The following LEKR1 variants were observed in gnomAD, a reference collection of about 807,000 sequenced individuals.
LEKR1 encodes protein LEKR1.
Under a neutral mutation model 72.4 loss-of-function variants are expected in LEKR1, and 59 were observed. The observed-to-expected ratio is 0.82, with a 90% CI of 0.66 to 1.01. The LOEUF is 1.01. Ranked by LOEUF, LEKR1 falls within the 50% of genes least tolerant of loss-of-function variation. The probability of loss-of-function intolerance (pLI) is 0.00; values close to 1 mark genes in which losing one functional copy is unlikely to be tolerated. For synonymous variants in LEKR1, 257 were observed against 263.2 expected (o/e 0.98, Z 0.23); for missense variants, 728 against 759.2 (o/e 0.96, Z 0.48).
At chr3:156,963,277 A>G (rs1553814296) in intron 6 of LEKR1, among the ~76,000 whole-genome samples, 1 of 152,184 alleles carries the variant, frequency 6.6e-6, no homozygotes, top group Non-Finnish European at 1.5e-5. Context: ...CCTCAGGGAA[A>G]CCTCAGCTAA....
At chr3:156,949,915 A>G (rs1457173942) in intron 6 of LEKR1, among the ~76,000 whole-genome samples, 1 of 151,296 alleles carries the variant, frequency 6.6e-6, no homozygotes, top group Non-Finnish European at 1.5e-5. Context: ...TGGGAAATAT[A>G]CTTTAATTTT....
chr3:156,922,650 T>C (rs1359647702), intron 4 of LEKR1, among the ~76,000 whole-genome samples: 1 of 152,218 alleles, frequency 6.6e-6, no homozygotes, highest in East Asian at 1.9e-4. Context: ...CCAGCCTGTG[T>C]CTTGCAAGGG....
At chr3:156,875,553 G>A (rs111593271) in intron 3 of LEKR1, among the ~76,000 whole-genome samples, 5 of 152,138 alleles carry the variant, frequency 3.3e-5, no homozygotes, top group African/African-American at 9.6e-5. Flanking sequence ...ATTTATCTTT[G>A]TTTTTGGTTG....
chr3:157,039,321 T>C (rs978050080), intron 12 of LEKR1, among the ~76,000 whole-genome samples: 4 of 152,228 alleles, frequency 2.6e-5, no homozygotes, highest in Non-Finnish European at 5.9e-5. Context: ...AGAAATTCCA[T>C]TTACATAAGA....
rs1043452820 is a variant in LEKR1 at position 156,871,483 on chromosome 3, G to T, written c.263+18501G>T. 5.3e-5 allele frequency among the ~76,000 whole-genome samples: 8 copies of T among 152,112 alleles called. No individual in the cohort carries two copies. In the South Asian group the frequency reaches 1.5e-3, roughly 28 times the overall value. On this transcript the variant is annotated intron_variant, in intron 3 of 12. Transcript: ENST00000356539. The stretch of plus-strand genomic sequence containing the variant: ...TTGGGTATATACCCAGTAATGGGAT[G>T]GCTGGGTCAAATGGTATTTCTAGTT...
chr3:157,017,130 A>G (rs1733406303), intron 10 of LEKR1, among the ~76,000 whole-genome samples: 1 of 152,232 alleles, frequency 6.6e-6, no homozygotes, highest in Admixed American at 6.5e-5. Flanking sequence ...TTTGTATGAC[A>G]TACAGTCTCT....
At chr3:156,914,687 G>C (rs1413293319) in intron 3 of LEKR1, among the ~76,000 whole-genome samples, 1 of 152,066 alleles carries the variant, frequency 6.6e-6, no homozygotes, top group Admixed American at 6.6e-5. Context: ...TAAATTTCTT[G>C]CTTCTCTTTT....
intron 3 of LEKR1, among the ~76,000 whole-genome samples, chr3:156,886,379 C>A (rs1045144520): frequency 8.5e-5 from 13 of 152,246 alleles, no homozygotes; most frequent in African/African-American, 2.6e-4. Context: ...TTGCCCCTCC[C>A]CATATGCCCA....
At chr3:156,838,943 A>G (rs1409677794) in intron 2 of LEKR1, among the ~76,000 whole-genome samples, 2 of 152,214 alleles carry the variant, frequency 1.3e-5, no homozygotes, top group Admixed American at 6.5e-5. Flanking sequence ...GAGGATGGCC[A>G]TGCCACAGAG....
Position 156,942,703 on chromosome 3 carries a change from A to T in LEKR1, c.734A>T (p.Lys245Ile). 8.0e-7 allele frequency: 1 copy of T among 1,250,528 alleles called. No individual in the cohort carries two copies. The highest frequency in any genetic ancestry group is 1.0e-6 in the Non-Finnish European group (1 of 974,502). The allele number at this position is 1,250,528 out of a possible 1,614,324, so 77.5% of individuals were successfully genotyped here. The change falls in exon 6 of 13, where the codon AAA becomes ATA. Residue 245 changes from lysine to isoleucine, a missense_variant. Transcript: ENST00000356539. ...NLQTRCYDLQKEVLDLQCLVE... is the reference protein window; with the variant it reads ...NLQTRCYDLQIEVLDLQCLVE... ...CAAACCAGATGCTATGATTTGCAAAAAGAAGTACTAGGTAAAGAAAAGTCT... is the reference window on the plus strand; with the variant it reads ...CAAACCAGATGCTATGATTTGCAAATAGAAGTACTAGGTAAAGAAAAGTCT...
intron 2 of LEKR1, among the ~76,000 whole-genome samples, chr3:156,845,498 A>C (rs558458567): frequency 2.0e-5 from 3 of 151,614 alleles, no homozygotes; most frequent in African/African-American, 7.2e-5. Context: ...TTTTGTCCCT[A>C]CTTGTAGAAT....
intron 9 of LEKR1, among the ~76,000 whole-genome samples, chr3:157,010,215 A>G (rs1256733649): frequency 6.6e-6 from 1 of 151,530 alleles, no homozygotes; most frequent in Admixed American, 6.6e-5. Context: ...ATTGATTACA[A>G]CTCTGATATT....
rs769277375 is a variant in LEKR1 at position 157,028,232 on chromosome 3, C to G, written c.1498C>G (p.Leu500Val). The G allele has an allele frequency of 2.5e-6, 4 of 1,613,356 alleles. 1 individual carries two copies. The highest frequency in any genetic ancestry group is 3.4e-6 in the Non-Finnish European group (4 of 1,179,592). ...TTCAAAGGAAAAAGAAATTGAAAAT[C>G]TTAAAAATTTGGTTGCAGAATTTGA... The part of the protein sequence containing the change: ...SNSKEKEIEN[L>V]KNLVAEFESR... The change falls in exon 12 of 13, where the codon CTT becomes GTT. Residue 500 changes from leucine to valine, a missense_variant. Transcript: ENST00000356539.
In LEKR1 at chr3:156,899,603, TATATATACACACATATATACAC is replaced by T. The variant is rs1473994610; in HGVS notation, c.264-20961_264-20940del. Among the ~76,000 whole-genome samples, 133 of 141,312 alleles carry T rather than the reference TATATATACACACATATATACAC, an allele frequency of 9.4e-4. 2 individuals are homozygous for T. In the East Asian group the frequency reaches 0.012, roughly 13 times the overall value. The allele number at this position is 141,312 out of a possible 152,430, so 92.7% of individuals were successfully genotyped here. ...ATATACATGTATATATACATATACG[TATATATACACACATATATACAC>T]ATATATACACGCATATATACACATA... On this transcript the variant is annotated intron_variant, in intron 3 of 12. Transcript: ENST00000356539.
chr3:156,912,637 C>G (rs1723225195), intron 3 of LEKR1, among the ~76,000 whole-genome samples: 1 of 152,202 alleles, frequency 6.6e-6, no homozygotes, highest in Non-Finnish European at 1.5e-5. Context: ...TTCATCCCCA[C>G]TCGAGGATTG....
intron 9 of LEKR1, among the ~76,000 whole-genome samples, chr3:156,993,638 G>C (rs7621842): frequency 0.74 from 112,217 of 151,954 alleles, 41,829 homozygotes; most frequent in East Asian, 0.94. Flanking sequence ...CAACAGAAAA[G>C]ATCTTTTTAT....
intron 3 of LEKR1, among the ~76,000 whole-genome samples, chr3:156,914,683 TCTTG>T (rs1429006263): frequency 6.6e-6 from 1 of 152,210 alleles, no homozygotes; most frequent in East Asian, 1.9e-4. Context: ...TTATTAAATT[TCTTG>T]CTTCTCTTTT....
intron 6 of LEKR1, among the ~76,000 whole-genome samples, chr3:156,949,015 G>T (rs1305787968): frequency 6.6e-6 from 1 of 150,800 alleles, no homozygotes; most frequent in Non-Finnish European, 1.5e-5. Context: ...GCTTGTTTGG[G>T]TTTTTTTCTT....
intron 6 of LEKR1, among the ~76,000 whole-genome samples, chr3:156,949,402 C>T (rs979901770): frequency 1.3e-5 from 2 of 151,532 alleles, no homozygotes; most frequent in Non-Finnish European, 3.0e-5. Context: ...ATCCCAGCAC[C>T]GTTTACTGAA....
Sources: gnomAD v4.1 joint callset for allele counts (sites outside exome capture counted in the v4.1 genomes callset) on GRCh38, gnomAD v4.1.1 for gene constraint, MANE v1.5 for transcripts, NCBI Gene and HGNC (gene_info 2026-07-23, HGNC 2026-07-21) for gene names.